The following MYH9 variants were observed in gnomAD, a reference collection of about 807,000 sequenced individuals.
MYH9 encodes myosin heavy chain 9.
MYH9 carries 29 observed loss-of-function variants against 241.9 expected under a neutral mutation model. That is an observed-to-expected ratio of 0.12 (90% confidence interval 0.09 to 0.16). The LOEUF (loss-of-function observed/expected upper bound fraction) is 0.16, where lower values mean the gene tolerates loss of function less well. Ranked by LOEUF, MYH9 falls within the 10% of genes least tolerant of loss-of-function variation. The pLI is 1.00. For synonymous variants in MYH9, 1,047 were observed against 1,062.6 expected, an observed-to-expected ratio of 0.99 and a Z score of 0.29; for missense variants, 1,803 against 2,595.5, an observed-to-expected ratio of 0.69 and a Z score of 6.63.
intron 34 of MYH9, among the ~76,000 whole-genome samples, chr22:36,287,483 C>T (rs2016605622): frequency 6.6e-6 from 1 of 151,934 alleles, no homozygotes; most frequent in South Asian, 2.1e-4. Context: ...GTGGCTCATG[C>T]TTGTAATCCC....
intron 1 of MYH9, among the ~76,000 whole-genome samples, chr22:36,374,958 C>T (rs549301346): frequency 8.5e-5 from 13 of 152,284 alleles, no homozygotes; most frequent in Admixed American, 2.6e-4. Flanking sequence ...AGGCTGCCTC[C>T]TCCAGGAAGC....
chr22:36,374,748 C>T (rs915187074), intron 1 of MYH9, among the ~76,000 whole-genome samples: 10 of 152,170 alleles, frequency 6.6e-5, no homozygotes, highest in Admixed American at 1.3e-4. Context: ...CAAGCCTTCA[C>T]GGGCCGTCTT....
chr22:36,362,650 T>C (rs970676034), intron 1 of MYH9, among the ~76,000 whole-genome samples: 2 of 152,144 alleles, frequency 1.3e-5, no homozygotes, highest in African/African-American at 4.8e-5. Flanking sequence ...CTAATTTTTG[T>C]ATTTTAGTAG....
chr22:36,296,806 G>A, intron 25 of MYH9, 37 bp downstream of exon 25: 1 of 1,578,316 alleles, frequency 6.3e-7, no homozygotes, highest in Non-Finnish European at 8.6e-7. Context: ...GGCTGGCCCA[G>A]GCCACCTGGC....
At position 36,320,164 on chromosome 22, in the gene MYH9, G is replaced by A. The variant is rs3752463; in HGVS notation, c.1012+56C>T. On this transcript the variant is annotated intron_variant, in intron 9 of 40. Transcript: ENST00000216181. The surrounding 1 kb of genome is among the most constrained non-coding windows in gnomAD (Gnocchi z 4.8). ...TCGGCTACCCTGATGCCCCGAGGCC[G>A]TGGGTACCAGCCTTCCTCTGCCCCA... 886,148 of 1,611,550 alleles carry A rather than the reference G, an allele frequency of 0.55. 253,933 individuals are homozygous for A. Among genetic ancestry groups the A allele is most frequent in the Admixed American group, 0.6 (35,753 of 59,918 alleles).
rs769599094 is a variant in MYH9, at chr22:36,292,015, G to A, written c.4315C>T (p.Leu1439=). ...TCAAACTTCTTCTGCTTCTTCTCCA[G>A]GTTGCACGCGCTCTGGCGCTGGTGG... ...LDHQRQSACN[L]EKKQKKFDQL... is the part of the protein sequence containing the mutation. The change falls in exon 31 of 41, where the codon CTG becomes TTG. Residue 1439 remains leucine, a synonymous_variant. Coordinates refer to ENST00000216181, the MANE Select transcript of MYH9 (RefSeq NM_002473.6). 3.1e-6 allele frequency: 5 copies of A among 1,614,232 alleles called. No homozygotes were observed. Among genetic ancestry groups the A allele is most frequent in the Non-Finnish European group, 4.2e-6 (5 of 1,180,046 alleles).
chr22:36,305,403 C>T lies in MYH9; in HGVS notation c.2160-301G>A, dbSNP rs1025157410. On this transcript the variant is annotated intron_variant, in intron 17 of 40. Coordinates refer to ENST00000216181, the MANE Select transcript of MYH9 (RefSeq NM_002473.6). This position sits in a 1 kb window ranked among gnomAD's most constrained non-coding sequence, Gnocchi z 4.7. ...CTAATTGCCTGAGATCCTCATCTGT[C>T]ACCCAGGGACAGCCATGTTCACACA... Among the ~76,000 whole-genome samples the T allele has an allele frequency of 2.0e-5, 3 of 152,182 alleles. No homozygotes were observed. Among genetic ancestry groups the T allele is most frequent in the African/African-American group, 7.2e-5 (3 of 41,436 alleles).
chr22:36,299,018 T>A lies in MYH9; in HGVS notation c.3001A>T (p.Ile1001Leu). 2 of 1,614,110 alleles carry A rather than the reference T, an allele frequency of 1.2e-6. No individual in the cohort carries two copies. Among genetic ancestry groups the A allele is most frequent in the Non-Finnish European group, 1.7e-6 (2 of 1,179,996 alleles). ...GTGAGGTTGGTGGTGAACTCAGCTA[T>A]TCTGTCTTCCAGCAGTTTCTTTTCC... ...AKEKKLLEDR[I>L]AEFTTNLTEE... The change falls in exon 24 of 41, where the codon ATA becomes TTA. Residue 1001 changes from isoleucine to leucine, a missense_variant. By Grantham distance (5) the Ile-to-Leu change is conservative (BLOSUM62 2). Transcript: ENST00000216181.
At chr22:36,301,083 A>G in intron 21 of MYH9, 26 bp from the exon 22 acceptor site, 2 of 1,600,998 alleles carry the variant, frequency 1.2e-6, no homozygotes, top group Non-Finnish European at 1.7e-6. Flanking sequence ...GGAAAACACA[A>G]GCTCCTCGCA....
At chr22:36,387,135 G>T (rs13057119) in intron 1 of MYH9, among the ~76,000 whole-genome samples, 1 of 152,182 alleles carries the variant, frequency 6.6e-6, no homozygotes, top group Non-Finnish European at 1.5e-5. Flanking sequence ...GTCCCCGCCG[G>T]GTCCCCCTTG....
chr22:36,386,074 TC>T (rs2018346696), intron 1 of MYH9, among the ~76,000 whole-genome samples: 1 of 152,124 alleles, frequency 6.6e-6, no homozygotes, highest in Non-Finnish European at 1.5e-5. Context: ...GACTGTAAAC[TC>T]CCCAAGGGCA....
Position 36,348,941 on chromosome 22 carries a change from T to A in MYH9, c.296A>T (p.His99Leu). The change falls in exon 2 of 41, where the codon CAC becomes CTC. Residue 99 changes from histidine (H) to leucine (L), a missense_variant. This residue lies in a region of MYH9 where 72 missense variants were observed against 134.3 expected (regional missense o/e 0.54). Coordinates refer to ENST00000216181, the MANE Select transcript of MYH9 (RefSeq NM_002473.6). ...LTCLNEASVLHNLKERYYSGL... is the reference protein window; with the variant it reads ...LTCLNEASVLLNLKERYYSGL... ...TGAGTAGTAACGCTCCTTGAGGTTG[T>A]GCAGCACCGAGGCTTCGTTGAGGCA... The A allele has an allele frequency of 6.2e-7, 1 of 1,607,850 alleles. No homozygotes were observed. The highest frequency in any genetic ancestry group is 1.1e-5 in the South Asian group (1 of 90,910).
chr22:36,359,819 A>G (rs1456455508), intron 1 of MYH9, among the ~76,000 whole-genome samples: 3 of 152,174 alleles, frequency 2.0e-5, no homozygotes, highest in African/African-American at 7.2e-5. Flanking sequence ...TTTGGTATCA[A>G]CTCAGAAGTG....
In MYH9 at chr22:36,295,627, C is replaced by G. The variant is rs2016776459; in HGVS notation, c.3363G>C (p.Glu1121Asp). 1.9e-6 allele frequency: 3 copies of G among 1,613,890 alleles called. No homozygotes were observed. The highest frequency in any genetic ancestry group is 8.5e-7 in the Non-Finnish European group (1 of 1,180,036). ...SQISELQEDL[E>D]SERASRNKAE... is the part of the protein sequence containing the mutation. The stretch of plus-strand genomic sequence containing the variant: ...CTTTATTCCTGGAAGCACGCTCAGA[C>G]TCCAGGTCTTCCTGGAGTTCAGAGA... The change falls in exon 26 of 41, where the codon GAG becomes GAC. Residue 1121 changes from glutamate to aspartate, a missense_variant. Glu to Asp is a conservative substitution (Grantham distance 45). This residue lies in a region of MYH9 where 290 missense variants were observed against 360.5 expected (regional missense o/e 0.80). Coordinates refer to ENST00000216181, the MANE Select transcript of MYH9 (RefSeq NM_002473.6). This position sits in a 1 kb window ranked among gnomAD's most constrained non-coding sequence, Gnocchi z 4.1.
intron 1 of MYH9, among the ~76,000 whole-genome samples, chr22:36,374,145 G>A (rs2018130325): frequency 6.6e-6 from 1 of 152,066 alleles, no homozygotes; most frequent in Admixed American, 6.6e-5. Flanking sequence ...CACTTTGGGA[G>A]GTCGAGGCAA....
In MYH9 at chr22:36,281,475, T is replaced by C. The variant is rs886057470; in HGVS notation, c.*1193A>G. ...GCTTTGTAGGCATATGCAGCTTTTATATCACTTCATGATTTGAGAGTTTGT... is the reference window on the plus strand; with the variant it reads ...GCTTTGTAGGCATATGCAGCTTTTACATCACTTCATGATTTGAGAGTTTGT... On this transcript the variant is annotated 3_prime_UTR_variant, in exon 41 of 41. Coordinates refer to ENST00000216181, the MANE Select transcript of MYH9 (RefSeq NM_002473.6). The C allele has an allele frequency of 1.1e-4, 25 of 228,460 alleles. No individual in the cohort carries two copies. In the East Asian group the frequency reaches 1.6e-3, roughly 14 times the overall value. 14.2% of individuals were successfully genotyped at this position (228,460 alleles called of 1,614,324 possible). A position where few individuals can be genotyped will look rare whatever the true frequency, so the allele number is the denominator to read the frequency against.
chr22:36,318,175 G>A, intron 11 of MYH9, 32 bp downstream of exon 11: 1 of 1,586,284 alleles, frequency 6.3e-7, no homozygotes, highest in African/African-American at 1.3e-5. Context: ...CACCCAGGAG[G>A]CAGCCAGCTG....
chr22:36,319,614 CCT>C lies in MYH9; in HGVS notation c.1032_1033del (p.Val346SerfsTer15). On this transcript the variant is annotated frameshift_variant, in exon 10 of 41. Coordinates refer to ENST00000216181, the MANE Select transcript of MYH9 (RefSeq NM_002473.6). LOFTEE classifies it high-confidence loss of function. Reference sequence around the variant, plus strand: ...GACGATGTTGCCGAGCTGAAGAACCCCTGAGATGACCCGCAGCAGGCCTTTGG... The same window carrying C: ...GACGATGTTGCCGAGCTGAAGAACCCGAGATGACCCGCAGCAGGCCTTTGG... 6.2e-7 allele frequency: 1 copy of C among 1,614,098 alleles called. No individual in the cohort carries two copies. Among genetic ancestry groups the C allele is most frequent in the Non-Finnish European group, 8.5e-7 (1 of 1,180,020 alleles).
At chr22:36,292,368 G>T in intron 30 of MYH9, 134 bp from the exon 31 acceptor site, 1 of 1,177,312 alleles carries the variant, frequency 8.5e-7, no homozygotes, top group Non-Finnish European at 1.2e-6. Context: ...TTATGAAACC[G>T]CCTCCCCCAG....
Sources: gnomAD v4.1 joint callset for allele counts (sites outside exome capture counted in the v4.1 genomes callset) on GRCh38, gnomAD v4.1.1 for gene constraint, gnomAD v4.1.1 regional missense constraint, Gnocchi (gnomAD v3.1) non-coding constraint, MANE v1.5 for transcripts, NCBI Gene and HGNC (gene_info 2026-07-23, HGNC 2026-07-21) for gene names.